Variants in NEK7 observed in about 807,000 individuals in gnomAD.
The protein encoded by NEK7 is serine/threonine-protein kinase Nek7.
In NEK7, 18 loss-of-function variants were observed where a neutral mutation model predicts 44.6. The observed-to-expected ratio is 0.40, with a 90% CI of 0.28 to 0.60. The LOEUF is 0.60. Ranked by LOEUF, NEK7 falls within the 20% of genes least tolerant of loss-of-function variation. NEK7 has a pLI of 0.38. For synonymous variants in NEK7, 130 were observed against 121.1 expected, an observed-to-expected ratio of 1.07 and a Z score of -0.48; for missense variants, 256 against 366.5, an observed-to-expected ratio of 0.70 and a Z score of 2.46.
rs1487925557 is a variant in NEK7, at chr1:198,157,059, C to T, written c.-246C>T. On this transcript the variant is annotated 5_prime_UTR_variant, in exon 1 of 10. Coordinates refer to ENST00000367385, the MANE Select transcript of NEK7 (RefSeq NM_133494.3). ...GGAGTCGCGGGAGGATGGGCCGCCG[C>T]TAGGCTCGCACTCCGGACGCGCCTC... is the stretch of plus-strand genomic sequence containing the variant. The T allele has an allele frequency of 1.3e-5, 2 of 151,958 alleles. No homozygotes were observed. Among genetic ancestry groups the T allele is most frequent in the East Asian group, 2.0e-4 (1 of 5,118 alleles). The allele number at this position is 151,958 out of a possible 1,614,324, so 9.4% of individuals were successfully genotyped here.
chr1:198,215,161 G>A (rs1264615500), intron 1 of NEK7, among the ~76,000 whole-genome samples: 1 of 150,058 alleles, frequency 6.7e-6, no homozygotes, highest in East Asian at 1.9e-4. Context: ...AGCCATACAA[G>A]AAATTCTAAA....
chr1:198,200,967 G>T (rs1665414239), intron 1 of NEK7, among the ~76,000 whole-genome samples: 1 of 152,108 alleles, frequency 6.6e-6, no homozygotes, highest in South Asian at 2.1e-4. Context: ...GATTATTTGG[G>T]AGATTACAGA....
At chr1:198,164,534 T>A (rs964204164) in intron 1 of NEK7, among the ~76,000 whole-genome samples, 1 of 152,210 alleles carries the variant, frequency 6.6e-6, no homozygotes, top group Non-Finnish European at 1.5e-5. Flanking sequence ...AATCTTTTGG[T>A]TTCCAAGTGC....
At position 198,181,178 on chromosome 1, in the gene NEK7, G is replaced by GT. The variant is rs370512020; in HGVS notation, c.-29+23910dup. ...ATCCAGCAAACTAAGCATTATCTTA[G>GT]TTTTTTTTGTTAGGTCAACCATATA... is the stretch of plus-strand genomic sequence containing the variant. On this transcript the variant is annotated intron_variant, in intron 1 of 9. Transcript: ENST00000367385. 1.7e-3 allele frequency among the ~76,000 whole-genome samples: 251 copies of GT among 152,006 alleles called. 1 individual carries two copies. The highest frequency in any genetic ancestry group is 5.6e-3 in the African/African-American group (234 of 41,510).
chr1:198,250,373 G>A (rs1415059044), intron 2 of NEK7, among the ~76,000 whole-genome samples: 1 of 151,956 alleles, frequency 6.6e-6, no homozygotes, highest in Non-Finnish European at 1.5e-5. Flanking sequence ...GCTCTTTTTT[G>A]GTTCCATATG....
At chr1:198,198,202 C>T (rs1273607256) in intron 1 of NEK7, 2 of 720,126 alleles carry the variant, frequency 2.8e-6, no homozygotes, top group Non-Finnish European at 5.2e-6. Context: ...GGTGTGTCCT[C>T]CAGCCTTTCC....
intron 2 of NEK7, among the ~76,000 whole-genome samples, chr1:198,244,714 G>T (rs1666784640): frequency 6.6e-6 from 1 of 151,984 alleles, no homozygotes; most frequent in South Asian, 2.1e-4. Context: ...TTATAGTCAT[G>T]CCCTTTGTAT....
intron 5 of NEK7, among the ~76,000 whole-genome samples, chr1:198,276,765 TG>T (rs1340309448): frequency 1.3e-5 from 2 of 151,792 alleles, no homozygotes; most frequent in Non-Finnish European, 3.0e-5. Context: ...ATTTATCTTT[TG>T]GTACATACCT....
intron 7 of NEK7, among the ~76,000 whole-genome samples, chr1:198,289,130 GTTGTGT>G (rs1428787891): frequency 1.2e-5 from 1 of 85,416 alleles, no homozygotes; most frequent in Admixed American, 1.2e-4. Flanking sequence ...ATTCCCTGAA[GTTGTGT>G]GTGTGTGTGT....
chr1:198,182,275 TTCTTAATTTG>T (rs1469838025), intron 1 of NEK7, among the ~76,000 whole-genome samples: 1 of 152,202 alleles, frequency 6.6e-6, no homozygotes, highest in East Asian at 1.9e-4. Flanking sequence ...GTTTTCACCA[TTCTTAATTTG>T]TCTCTTTCAT....
intron 2 of NEK7, among the ~76,000 whole-genome samples, chr1:198,240,648 C>CT (rs61213536): frequency 2.6e-5 from 4 of 151,764 alleles, no homozygotes; most frequent in Non-Finnish European, 5.9e-5. Context: ...TCTTGGTATT[C>CT]TTTTTTTTGA....
chr1:198,193,135 G>A (rs1665128155), intron 1 of NEK7, among the ~76,000 whole-genome samples: 1 of 151,862 alleles, frequency 6.6e-6, no homozygotes, highest in Non-Finnish European at 1.5e-5. Flanking sequence ...TATCACCACT[G>A]ACTCCACAGA....
intron 1 of NEK7, among the ~76,000 whole-genome samples, chr1:198,164,353 C>G (rs1457108038): frequency 6.6e-6 from 1 of 152,174 alleles, no homozygotes; most frequent in Non-Finnish European, 1.5e-5. Flanking sequence ...GACACAGTTA[C>G]AGTAAGAAAA....
At chr1:198,223,766 ATCT>A (rs1160985704) in intron 1 of NEK7, among the ~76,000 whole-genome samples, 2 of 152,208 alleles carry the variant, frequency 1.3e-5, no homozygotes, top group East Asian at 1.9e-4. Flanking sequence ...TGACCTTGAC[ATCT>A]TCTTGGTATT....
At chr1:198,295,464 G>A (rs144758677) in intron 8 of NEK7, among the ~76,000 whole-genome samples, 300 of 152,164 alleles carry the variant, frequency 2.0e-3, no homozygotes, top group African/African-American at 6.7e-3. Context: ...AGGAGAGGGC[G>A]AGCAGCTGTC....
intron 9 of NEK7, among the ~76,000 whole-genome samples, chr1:198,304,197 C>G (rs1654965831): frequency 6.6e-6 from 1 of 152,172 alleles, no homozygotes; most frequent in East Asian, 1.9e-4. Flanking sequence ...CCTACAAAAT[C>G]ATGTAACTTT....
intron 1 of NEK7, among the ~76,000 whole-genome samples, chr1:198,162,809 T>C (rs1415067818): frequency 6.6e-6 from 1 of 152,020 alleles, no homozygotes; most frequent in African/African-American, 2.4e-5. Context: ...ATGACTTTCT[T>C]TGGAGTGTGG....
At chr1:198,174,128 A>G (rs776378338) in intron 1 of NEK7, among the ~76,000 whole-genome samples, 3 of 152,214 alleles carry the variant, frequency 2.0e-5, no homozygotes, top group Non-Finnish European at 4.4e-5. Context: ...CATCCATTCA[A>G]AGCATAGTTC....
chr1:198,307,153 A>G (rs1655043345), intron 9 of NEK7, among the ~76,000 whole-genome samples: 1 of 152,090 alleles, frequency 6.6e-6, no homozygotes, highest in South Asian at 2.1e-4. Context: ...CACAAAGGGA[A>G]ACATAGTAAG....
Sources: allele counts gnomAD v4.1 joint callset (sites outside exome capture counted in the v4.1 genomes callset), GRCh38; gene constraint gnomAD v4.1.1; transcripts MANE v1.5; gene names NCBI Gene and HGNC (gene_info 2026-07-23, HGNC 2026-07-21).